Variants in RIPK4 observed in about 807,000 individuals in gnomAD.
RIPK4 encodes the protein receptor interacting serine/threonine kinase 4, also known as receptor-interacting serine/threonine-protein kinase 4.
A neutral mutation model predicts 42.9 loss-of-function variants in RIPK4; 17 were observed. The observed-to-expected ratio is 0.40, with a 90% CI of 0.27 to 0.59. The LOEUF (loss-of-function observed/expected upper bound fraction) is 0.59, where lower values mean the gene tolerates loss of function less well. Among genes scored for constraint, RIPK4 ranks in the 20% least tolerant of loss-of-function variants. The probability of loss-of-function intolerance (pLI) is 0.47; values close to 1 mark genes in which losing one functional copy is unlikely to be tolerated. For synonymous variants in RIPK4, 498 were observed against 499.1 expected (o/e 1.00, Z 0.03); for missense variants, 897 against 1,104.4 (o/e 0.81, Z 2.66).
chr21:41,741,208 C>G lies in RIPK4; in HGVS notation c.1985G>C (p.Gly662Ala), dbSNP rs1024696720. Residue 662 changes from glycine (G) to alanine (A), a missense_variant, in exon 8 of 8, where the codon GGC becomes GCC. Physicochemically the swap from Gly to Ala is moderately conservative, Grantham distance 60. Transcript: ENST00000332512. ...TARLLLHRGAGKEAMTSDGYT... is the reference protein window; with the variant it reads ...TARLLLHRGAAKEAMTSDGYT... ...GCCGTCTGAGGTCATGGCCTCCTTGCCAGCGCCCCGATGCAGGAGCAGCCT... is the reference window on the plus strand; with the variant it reads ...GCCGTCTGAGGTCATGGCCTCCTTGGCAGCGCCCCGATGCAGGAGCAGCCT... 1 of 1,609,370 alleles carries G rather than the reference C, an allele frequency of 6.2e-7. No individual in the cohort carries two copies. Among genetic ancestry groups the G allele is most frequent in the Admixed American group, 1.7e-5 (1 of 59,872 alleles).
rs551737516 is a variant in RIPK4, at chr21:41,757,997, A to AC, written c.183-1182dup. On this transcript the variant is annotated intron_variant, in intron 1 of 7. Transcript: ENST00000332512. ...CTGGGCGACACAGAGAGACTCCATA[A>AC]CAAAAAAAAAAAAAAAAAAAAAAAA... is the stretch of plus-strand genomic sequence containing the variant. 2.3e-3 allele frequency among the ~76,000 whole-genome samples: 96 copies of AC among 40,960 alleles called. 1 individual carries two copies. The highest frequency in any genetic ancestry group is 6.1e-3 in the African/African-American group (58 of 9,490). The allele number at this position is 40,960 out of a possible 152,430, so 26.9% of individuals were successfully genotyped here. A position where few individuals can be genotyped will look rare whatever the true frequency, so the allele number is the denominator to read the frequency against.
In RIPK4 at chr21:41,749,190, T is replaced by C; in HGVS notation, c.637A>G (p.Ile213Val). 1 of 1,613,838 alleles carries C rather than the reference T, an allele frequency of 6.2e-7. No homozygotes were observed. Among genetic ancestry groups the C allele is most frequent in the Non-Finnish European group, 8.5e-7 (1 of 1,179,910 alleles). ...TTCTTCTGTGTGAGCACGCCCCAGA[T>C]GACGATCGCAAAGCTGGAAGAGAAA... ...KHDVYSFAIVIWGVLTQKKPF... is the reference protein window; with the variant it reads ...KHDVYSFAIVVWGVLTQKKPF... Residue 213 changes from isoleucine to valine, a missense_variant, in exon 4 of 8, where the codon ATC becomes GTC. Coordinates refer to ENST00000332512, the MANE Select transcript of RIPK4 (RefSeq NM_020639.3).
intron 6 of RIPK4, among the ~76,000 whole-genome samples, chr21:41,745,522 A>G (rs1228119071): frequency 6.6e-6 from 1 of 152,184 alleles, no homozygotes; most frequent in Admixed American, 6.5e-5. Flanking sequence ...ATTTAGTGTC[A>G]GGGAAGCCCT....
chr21:41,762,541 G>A (rs550298929), intron 1 of RIPK4, among the ~76,000 whole-genome samples: 10 of 152,284 alleles, frequency 6.6e-5, no homozygotes, highest in South Asian at 4.1e-4. Context: ...TCGCCCGGCG[G>A]CATTTGCAAT....
At position 41,741,919 on chromosome 21, in the gene RIPK4, A is replaced by T; in HGVS notation, c.1274T>A (p.Ile425Asn). The T allele has an allele frequency of 6.2e-7, 1 of 1,613,198 alleles. No homozygotes were observed. Among genetic ancestry groups the T allele is most frequent in the Non-Finnish European group, 8.5e-7 (1 of 1,179,662 alleles). Residue 425 changes from isoleucine (I) to asparagine (N), a missense_variant, in exon 8 of 8, where the codon ATC becomes AAC. Transcript: ENST00000332512. ...VSGDTSKLMK[I>N]LQPQDVDLAL... ...CAGGTCCACGTCCTGCGGCTGCAGG[A>T]TCTTCATCAGTTTGCTGGTGTCCCC...
chr21:41,763,116 G>A (rs2061225970), intron 1 of RIPK4, among the ~76,000 whole-genome samples: 1 of 152,056 alleles, frequency 6.6e-6, no homozygotes, highest in Admixed American at 6.6e-5. Context: ...CCCCTCCCCC[G>A]CAAAAGTGTC....
Position 41,745,780 on chromosome 21 carries a change from G to T in RIPK4, c.915C>A (p.Ser305Arg), listed in dbSNP as rs140139203. 1.2e-6 allele frequency: 2 copies of T among 1,614,076 alleles called. No individual in the cohort carries two copies. The highest frequency in any genetic ancestry group is 1.7e-6 in the Non-Finnish European group (2 of 1,179,916). Residue 305 changes from serine to arginine, a missense_variant, in exon 6 of 8, where the codon AGC becomes AGA. By Grantham distance (110) the Ser-to-Arg change is moderately radical (BLOSUM62 -1). Coordinates refer to ENST00000332512, the MANE Select transcript of RIPK4 (RefSeq NM_020639.3). Reference sequence around the variant, plus strand: ...TTACCTCGCTCCTGGGCTCCGGGGGGCTTTTCACGTCCAGATCATGAGCAG... The same window carrying T: ...TTACCTCGCTCCTGGGCTCCGGGGGTCTTTTCACGTCCAGATCATGAGCAG... ...KETAHDLDVK[S>R]PPEPRSEVVP...
intron 1 of RIPK4, among the ~76,000 whole-genome samples, chr21:41,757,176 C>A (rs2061206147): frequency 6.6e-6 from 1 of 152,186 alleles, no homozygotes; most frequent in South Asian, 2.1e-4. Context: ...GGCCGATAAT[C>A]CCTTCTCCTG....
Position 41,745,615 on chromosome 21 carries a change from C to T in RIPK4, c.936+144G>A. On this transcript the variant is annotated intron_variant, in intron 6 of 7. Transcript: ENST00000332512. ...GACCTGAGCCCCCATGGGACCTACA[C>T]TTCTAATGGAGTTGGGTGCGGGATG... 3 of 641,472 alleles carry T rather than the reference C, an allele frequency of 4.7e-6. No individual in the cohort carries two copies. In the South Asian group the frequency reaches 5.7e-5, roughly 12 times the overall value. 39.7% of individuals were successfully genotyped at this position (641,472 alleles called of 1,614,324 possible). A position where few individuals can be genotyped will look rare whatever the true frequency, so the allele number is the denominator to read the frequency against.
At chr21:41,753,204 A>G (rs971399681) in intron 2 of RIPK4, among the ~76,000 whole-genome samples, 1 of 151,794 alleles carries the variant, frequency 6.6e-6, no homozygotes, top group African/African-American at 2.4e-5. Flanking sequence ...TTTTTCATAA[A>G]AGGAGGCAAT....
chr21:41,748,640 A>C (rs186833785), intron 4 of RIPK4, among the ~76,000 whole-genome samples: 1 of 152,368 alleles, frequency 6.6e-6, no homozygotes, highest in Admixed American at 6.5e-5. Context: ...TGACATGCTA[A>C]GTTTTGTTCT....
At chr21:41,749,821 A>C (rs2061183038) in intron 3 of RIPK4, among the ~76,000 whole-genome samples, 5 of 151,162 alleles carry the variant, frequency 3.3e-5, no homozygotes, top group Admixed American at 2.0e-4. Flanking sequence ...TTAGAAATAT[A>C]TAGATAATAT....
rs1173036208 is a variant in RIPK4, at chr21:41,741,774, G to A, written c.1419C>T (p.Thr473=). The A allele has an allele frequency of 6.2e-7, 1 of 1,611,688 alleles. No homozygotes were observed. ...TCCTCTCCACGGCCATGTGCAACGG[G>A]GTGGAGCCCCTACGGTTGCTCAGGT... The part of the protein sequence containing the change: ...NPNLSNRRGS[T]PLHMAVERRV... Residue 473 remains threonine (T), a synonymous_variant, in exon 8 of 8, where the codon ACC becomes ACT. Coordinates refer to ENST00000332512, the MANE Select transcript of RIPK4 (RefSeq NM_020639.3).
At position 41,740,367 on chromosome 21, in the gene RIPK4, T is replaced by C. The variant is rs2061148557; in HGVS notation, c.*471A>G. 6.3e-6 allele frequency: 1 copy of C among 159,028 alleles called. No homozygotes were observed. Among genetic ancestry groups the C allele is most frequent in the Non-Finnish European group, 1.4e-5 (1 of 73,058 alleles). The allele number at this position is 159,028 out of a possible 1,614,324, so 9.9% of individuals were successfully genotyped here. A position where few individuals can be genotyped will look rare whatever the true frequency, so the allele number is the denominator to read the frequency against. ...GATAAGGTATTCATCTCTTAAGATA[T>C]TTTATAAAACAATTCCATGGAAACT... On this transcript the variant is annotated 3_prime_UTR_variant, in exon 8 of 8. Coordinates refer to ENST00000332512, the MANE Select transcript of RIPK4 (RefSeq NM_020639.3).
At chr21:41,756,915 G>T in intron 1 of RIPK4, 99 bp from the exon 2 acceptor site, 2 of 1,283,278 alleles carry the variant, frequency 1.6e-6, no homozygotes, top group Non-Finnish European at 1.1e-6. Context: ...AGAGGGCTGA[G>T]CAAATGCCTC....
chr21:41,746,555 T>A (rs1394335366), intron 5 of RIPK4, 58 bp downstream of exon 5: 1 of 1,590,390 alleles, frequency 6.3e-7, no homozygotes, highest in East Asian at 2.3e-5. Flanking sequence ...GTCCTGTCTG[T>A]CACCTCTGTC....
chr21:41,745,158 C>T (rs1037942936), intron 6 of RIPK4, among the ~76,000 whole-genome samples: 2 of 152,092 alleles, frequency 1.3e-5, no homozygotes, highest in African/African-American at 2.4e-5. Flanking sequence ...AGGCAGTGGG[C>T]GCATATTCCT....
chr21:41,766,232 C>T (rs1208669234), intron 1 of RIPK4, among the ~76,000 whole-genome samples: 7 of 152,238 alleles, frequency 4.6e-5, no homozygotes, highest in African/African-American at 1.4e-4. Flanking sequence ...CAGGCCCGAG[C>T]CCCGGAGCTC....
chr21:41,764,436 C>T (rs1160406547), intron 1 of RIPK4, among the ~76,000 whole-genome samples: 2 of 152,096 alleles, frequency 1.3e-5, no homozygotes, highest in Non-Finnish European at 2.9e-5. Context: ...GGCCCAGACC[C>T]GTGTGTCAGG....
Sources: allele counts gnomAD v4.1 joint callset (sites outside exome capture counted in the v4.1 genomes callset), GRCh38; gene constraint gnomAD v4.1.1; transcripts MANE v1.5; gene names NCBI Gene and HGNC (gene_info 2026-07-23, HGNC 2026-07-21).